The following CD59 variants were observed in gnomAD, a reference collection of about 807,000 sequenced individuals.
CD59 encodes CD59 glycoprotein.
CD59 carries 3 observed loss-of-function variants against 7.0 expected under a neutral mutation model. The ratio of observed to expected loss-of-function variants is 0.43; its 90% CI spans 0.19 to 1.10. CD59 has a LOEUF of 1.10. CD59 is among the 50% of genes least tolerant of loss of function. CD59 has a pLI of 0.29. For missense variants in CD59, 143 were observed against 151.0 expected (o/e 0.95, Z 0.28); for synonymous variants, 60 against 62.0 (o/e 0.97, Z 0.15).
intron 2 of CD59, among the ~76,000 whole-genome samples, chr11:33,720,744 C>CA (rs10631432): frequency 0.17 from 25,730 of 150,844 alleles, 2,394 homozygotes; most frequent in South Asian, 0.29. Context: ...AAAAAACAAA[C>CA]AAAAAAAAAC....
Position 33,710,042 on chromosome 11 carries a change from A to G in CD59, c.*84T>C, listed in dbSNP as rs1185236986. 1.8e-6 allele frequency: 2 copies of G among 1,093,216 alleles called. No homozygotes were observed. The highest frequency in any genetic ancestry group is 2.7e-6 in the Non-Finnish European group (2 of 728,712). The allele number at this position is 1,093,216 out of a possible 1,614,324, so 67.7% of individuals were successfully genotyped here. ...TTTCCCAACAGGATCCATTTGGAAAATATCAAGCCTTTAGAATGTGGCAGC... is the reference window on the plus strand; with the variant it reads ...TTTCCCAACAGGATCCATTTGGAAAGTATCAAGCCTTTAGAATGTGGCAGC... On this transcript the variant is annotated 3_prime_UTR_variant, in exon 4 of 4. Coordinates refer to ENST00000642928, the MANE Select transcript of CD59 (RefSeq NM_000611.6).
At chr11:33,735,181 G>A (rs1854529319) in intron 1 of CD59, among the ~76,000 whole-genome samples, 1 of 152,180 alleles carries the variant, frequency 6.6e-6, no homozygotes, top group South Asian at 2.1e-4. Flanking sequence ...AGGGAACTGG[G>A]AGTAAACCGC....
At chr11:33,730,551 A>ATACTAT (rs1328468413) in intron 1 of CD59, among the ~76,000 whole-genome samples, 12 of 152,244 alleles carry the variant, frequency 7.9e-5, no homozygotes, top group African/African-American at 2.9e-4. Context: ...TACTGTTAAT[A>ATACTAT]ATGCCATAGC....
In CD59 at chr11:33,731,599, A is replaced by T. The variant is rs576535318; in HGVS notation, c.-19+4783T>A. 4 of 152,326 alleles carry T rather than the reference A, an allele frequency of 2.6e-5. No homozygotes were observed. In the South Asian group the frequency reaches 8.3e-4, roughly 32 times the overall value. 9.4% of individuals were successfully genotyped at this position (152,326 alleles called of 1,614,324 possible). A position where few individuals can be genotyped will look rare whatever the true frequency, so the allele number is the denominator to read the frequency against. Reference sequence around the variant, plus strand: ...GGTTTTAATTCAGGTGGGCTAGTGTAAGGCTCAAGAATGTGCATTTTGAGC... The same window carrying T: ...GGTTTTAATTCAGGTGGGCTAGTGTTAGGCTCAAGAATGTGCATTTTGAGC... On this transcript the variant is annotated intron_variant, in intron 1 of 3. Transcript: ENST00000642928.
chr11:33,721,539 T>A (rs904561106), intron 2 of CD59, among the ~76,000 whole-genome samples: 1 of 152,204 alleles, frequency 6.6e-6, no homozygotes. Context: ...AAACCAGCAG[T>A]GGCCAAGATA....
rs1054137375 is a variant in CD59 at position 33,707,584 on chromosome 11, T to C, written c.*2542A>G. 4 of 152,220 alleles carry C rather than the reference T, an allele frequency of 2.6e-5. No individual in the cohort carries two copies. Among genetic ancestry groups the C allele is most frequent in the Non-Finnish European group, 4.4e-5 (3 of 68,070 alleles). The allele number at this position is 152,220 out of a possible 1,614,324, so 9.4% of individuals were successfully genotyped here. A position where few individuals can be genotyped will look rare whatever the true frequency, so the allele number is the denominator to read the frequency against. ...CTATGACAGTTCCTGTAAATCCAGA[T>C]GAGTGGAGGGCACAGGGTATTGGCT... On this transcript the variant is annotated 3_prime_UTR_variant, in exon 4 of 4. Transcript: ENST00000642928.
rs1040513338 is a variant in CD59 at position 33,704,447 on chromosome 11, G to A, written c.*5679C>T. 6.6e-6 allele frequency: 1 copy of A among 152,048 alleles called. No homozygotes were observed. The highest frequency in any genetic ancestry group is 1.5e-5 in the Non-Finnish European group (1 of 68,010). 9.4% of individuals were successfully genotyped at this position (152,048 alleles called of 1,614,324 possible). A position where few individuals can be genotyped will look rare whatever the true frequency, so the allele number is the denominator to read the frequency against. ...ATGAATGAGGAAAATGCAGCAGGGG[G>A]TCCATCCTAGAAAACCCAACCCACT... is the stretch of plus-strand genomic sequence containing the variant. On this transcript the variant is annotated 3_prime_UTR_variant, in exon 4 of 4. Coordinates refer to ENST00000642928, the MANE Select transcript of CD59 (RefSeq NM_000611.6).
rs1323192107 is a variant in CD59, at chr11:33,708,172, C to T, written c.*1954G>A. 2.0e-5 allele frequency: 3 copies of T among 152,204 alleles called. No individual in the cohort carries two copies. The highest frequency in any genetic ancestry group is 4.4e-5 in the Non-Finnish European group (3 of 68,042). 9.4% of individuals were successfully genotyped at this position (152,204 alleles called of 1,614,324 possible). On this transcript the variant is annotated 3_prime_UTR_variant, in exon 4 of 4. Transcript: ENST00000642928. ...TTGCCTTTGGGTCCAGGCACTCAAC[C>T]TTGTCTATGGCATGAGTCACAGCAA...
rs1190443853 is a variant in CD59 at position 33,736,112 on chromosome 11, G to A, written c.-19+270C>T. The stretch of plus-strand genomic sequence containing the variant: ...GCGAGGCTGCCCCCGAGGGAATGGG[G>A]GGCGCGACGGGGGTAACGGGGCTGC... On this transcript the variant is annotated intron_variant, in intron 1 of 3. Transcript: ENST00000642928. This position sits in a 1 kb window ranked among gnomAD's most constrained non-coding sequence, Gnocchi z 4.4. 6.6e-6 allele frequency among the ~76,000 whole-genome samples: 1 copy of A among 152,138 alleles called. No homozygotes were observed. The highest frequency in any genetic ancestry group is 6.5e-5 in the Admixed American group (1 of 15,272).
At chr11:33,735,415 T>G (rs551729168) in intron 1 of CD59, among the ~76,000 whole-genome samples, 3 of 151,514 alleles carry the variant, frequency 2.0e-5, no homozygotes, top group Non-Finnish European at 3.0e-5. Context: ...TTAATGTTGG[T>G]TTTTTTTGTT....
chr11:33,730,065 T>A (rs371740524), intron 1 of CD59, among the ~76,000 whole-genome samples: 2 of 152,148 alleles, frequency 1.3e-5, no homozygotes, highest in Admixed American at 6.5e-5. Flanking sequence ...ATGTCATGAA[T>A]GTATAAAATG....
intron 3 of CD59, among the ~76,000 whole-genome samples, chr11:33,715,487 T>A (rs1251446381): frequency 6.6e-6 from 1 of 152,022 alleles, no homozygotes; most frequent in Non-Finnish European, 1.5e-5. Context: ...GTAATCCCAA[T>A]TACTCAGGAG....
Position 33,710,007 on chromosome 11 carries a change from A to G in CD59, c.*119T>C, listed in dbSNP as rs1853467860. On this transcript the variant is annotated 3_prime_UTR_variant, in exon 4 of 4. Transcript: ENST00000642928. Reference sequence around the variant, plus strand: ...CTATCTTAGCCAGGTTGCTCAAGCTAATTTTATTCTTTCCCAACAGGATCC... The same window carrying G: ...CTATCTTAGCCAGGTTGCTCAAGCTGATTTTATTCTTTCCCAACAGGATCC... The G allele has an allele frequency of 5.8e-6, 5 of 860,880 alleles. No individual in the cohort carries two copies. Among genetic ancestry groups the G allele is most frequent in the Non-Finnish European group, 9.5e-6 (5 of 524,730 alleles). 53.3% of individuals were successfully genotyped at this position (860,880 alleles called of 1,614,324 possible). A position where few individuals can be genotyped will look rare whatever the true frequency, so the allele number is the denominator to read the frequency against.
rs538307641 is a variant in CD59, at chr11:33,707,346, A to AT, written c.*2779dup. 10 of 152,358 alleles carry AT rather than the reference A, an allele frequency of 6.6e-5. No individual in the cohort carries two copies. The East Asian group carries it at 1.5e-3, about 24-fold the overall frequency. 9.4% of individuals were successfully genotyped at this position (152,358 alleles called of 1,614,324 possible). On this transcript the variant is annotated 3_prime_UTR_variant, in exon 4 of 4. Transcript: ENST00000642928. ...AGGCTCTTATTTTTTCAGGACACAC[A>AT]TAAGACATGGGGGCTAACTGCAAGG...
chr11:33,731,105 C>T (rs1232431420), intron 1 of CD59, among the ~76,000 whole-genome samples: 1 of 152,038 alleles, frequency 6.6e-6, no homozygotes, highest in African/African-American at 2.4e-5. Context: ...TTTATGTTAT[C>T]GGTAAAGTTT....
rs796316250 is a variant in CD59 at position 33,707,233 on chromosome 11, T to C, written c.*2893A>G. 2.2e-4 allele frequency: 34 copies of C among 152,330 alleles called. 1 individual carries two copies. The highest frequency in any genetic ancestry group is 7.9e-4 in the African/African-American group (33 of 41,558). The allele number at this position is 152,330 out of a possible 1,614,324, so 9.4% of individuals were successfully genotyped here. On this transcript the variant is annotated 3_prime_UTR_variant, in exon 4 of 4. Coordinates refer to ENST00000642928, the MANE Select transcript of CD59 (RefSeq NM_000611.6). The stretch of plus-strand genomic sequence containing the variant: ...AGCAACAGAAACTAATGCGAGCTAG[T>C]AGACTTTGAACACTGCTAAAGAACT...
intron 3 of CD59, among the ~76,000 whole-genome samples, chr11:33,712,055 A>T (rs1853581976): frequency 6.6e-6 from 1 of 152,204 alleles, no homozygotes; most frequent in Non-Finnish European, 1.5e-5. Context: ...GTAATTTAAT[A>T]CTGTTATCAT....
At chr11:33,731,599 A>G (rs576535318) in intron 1 of CD59, 1 of 152,326 alleles carries the variant, frequency 6.6e-6, no homozygotes, top group Admixed American at 6.5e-5. Context: ...GGGCTAGTGT[A>G]AGGCTCAAGA....
At chr11:33,721,560 A>G (rs559585639) in intron 2 of CD59, among the ~76,000 whole-genome samples, 14 of 152,384 alleles carry the variant, frequency 9.2e-5, no homozygotes, top group African/African-American at 3.4e-4. Flanking sequence ...TTATACCAAC[A>G]TGACACAGGC....
Sources: gnomAD v4.1 joint callset for allele counts (sites outside exome capture counted in the v4.1 genomes callset) on GRCh38, gnomAD v4.1.1 for gene constraint, Gnocchi (gnomAD v3.1) non-coding constraint, MANE v1.5 for transcripts, NCBI Gene and HGNC (gene_info 2026-07-23, HGNC 2026-07-21) for gene names.